FMN1: variants seen among roughly 807,000 people sequenced by gnomAD.
FMN1 encodes formin-1.
In FMN1, 110 loss-of-function variants were observed where a neutral mutation model predicts 132.4. That is an observed-to-expected ratio of 0.83 (90% confidence interval 0.71 to 0.97). The LOEUF (loss-of-function observed/expected upper bound fraction) is 0.97. Ranked by LOEUF, FMN1 falls within the 50% of genes least tolerant of loss-of-function variation. FMN1 has a pLI of 0.00. For missense variants in FMN1, 1,792 were observed against 1,705.3 expected (o/e 1.05, Z -0.90); for synonymous variants, 722 against 651.7 (o/e 1.11, Z -1.64).
chr15:33,067,515 G>A (rs779223312), intron 5 of FMN1: 1 of 1,613,990 alleles, frequency 6.2e-7, no homozygotes, highest in Non-Finnish European at 8.5e-7. Context: ...AAAGTAGACA[G>A]TGGAAGCAGC....
intron 5 of FMN1, among the ~76,000 whole-genome samples, chr15:33,081,677 G>A (rs889872661): frequency 2.0e-5 from 3 of 152,172 alleles, no homozygotes; most frequent in Non-Finnish European, 2.9e-5. Flanking sequence ...GCGGTAGAAG[G>A]ACTTAACATT....
At chr15:33,136,949 G>A (rs537585722) in intron 4 of FMN1, among the ~76,000 whole-genome samples, 17 of 152,018 alleles carry the variant, frequency 1.1e-4, no homozygotes, top group African/African-American at 2.7e-4. Flanking sequence ...TTAGCCAGGC[G>A]TGGTGGCGGG....
intron 4 of FMN1, among the ~76,000 whole-genome samples, chr15:33,101,416 G>A (rs1228169904): frequency 6.6e-6 from 1 of 151,548 alleles, no homozygotes; most frequent in Non-Finnish European, 1.5e-5. Flanking sequence ...ATTGTCTTTA[G>A]CCACATGTAA....
chr15:33,015,180 T>C (rs1207679644), intron 6 of FMN1, among the ~76,000 whole-genome samples: 1 of 152,220 alleles, frequency 6.6e-6, no homozygotes, highest in Non-Finnish European at 1.5e-5. Flanking sequence ...GCCGTTCTTT[T>C]GGTTACATAA....
chr15:33,009,650 CTCATT>C (rs1189703115), intron 6 of FMN1, among the ~76,000 whole-genome samples: 4 of 152,206 alleles, frequency 2.6e-5, no homozygotes, highest in Non-Finnish European at 5.9e-5. Flanking sequence ...ACTTTATCAA[CTCATT>C]TCATCTCCAC....
chr15:32,941,032 A>C (rs1055365483), intron 9 of FMN1, among the ~76,000 whole-genome samples: 3 of 152,150 alleles, frequency 2.0e-5, no homozygotes, highest in Non-Finnish European at 4.4e-5. Flanking sequence ...GCCCCGGCCC[A>C]CAGGTTAGTG....
chr15:33,089,504 C>G (rs2038829336), intron 4 of FMN1, among the ~76,000 whole-genome samples: 2 of 152,168 alleles, frequency 1.3e-5, no homozygotes, highest in Non-Finnish European at 2.9e-5. Context: ...TTTGTCATCT[C>G]TAGAATCAAA....
intron 3 of FMN1, among the ~76,000 whole-genome samples, chr15:33,166,587 A>G (rs774818725): frequency 6.6e-6 from 1 of 152,178 alleles, no homozygotes; most frequent in African/African-American, 2.4e-5. Flanking sequence ...TCAGAATCCT[A>G]CAAGAGATCA....
intron 9 of FMN1, among the ~76,000 whole-genome samples, chr15:32,949,952 T>TATATATACAC: frequency 2.0e-5 from 1 of 50,510 alleles, no homozygotes; most frequent in Non-Finnish European, 3.5e-5. Flanking sequence ...TATATATATA[T>TATATATACAC]ATATATATAT....
At position 33,066,924 on chromosome 15, in the gene FMN1, C is replaced by T. The variant is rs1309490912; in HGVS notation, c.2044-1850G>A. The T allele has an allele frequency of 8.1e-6, 13 of 1,613,832 alleles. No individual in the cohort carries two copies. The highest frequency in any genetic ancestry group is 8.0e-5 in the African/African-American group (6 of 74,914). The stretch of plus-strand genomic sequence containing the variant: ...TCACTCTTCACTGTCTGCAGCCCTG[C>T]CTGCACTAAGGACTTCTGCACAGGC... On this transcript the variant is annotated intron_variant, in intron 5 of 20. Transcript: ENST00000616417.
chr15:33,057,701 T>C (rs2037282226), intron 6 of FMN1, among the ~76,000 whole-genome samples: 1 of 152,300 alleles, frequency 6.6e-6, no homozygotes, highest in South Asian at 2.1e-4. Flanking sequence ...CTGAAATCAT[T>C]TTCTACCTTT....
intron 7 of FMN1, among the ~76,000 whole-genome samples, chr15:32,991,486 A>G (rs1285143291): frequency 6.6e-6 from 1 of 152,206 alleles, no homozygotes; most frequent in African/African-American, 2.4e-5. Flanking sequence ...TGGACCATCG[A>G]AAATCACAAT....
intron 3 of FMN1, among the ~76,000 whole-genome samples, chr15:33,173,685 T>C (rs942121417): frequency 3.3e-5 from 5 of 152,174 alleles, no homozygotes; most frequent in African/African-American, 1.2e-4. Flanking sequence ...TCCCAGCACA[T>C]TGGGAGGCCA....
At chr15:33,001,279 G>A (rs992401972) in intron 7 of FMN1, among the ~76,000 whole-genome samples, 2 of 151,588 alleles carry the variant, frequency 1.3e-5, no homozygotes, top group African/African-American at 4.8e-5. Flanking sequence ...GTAAGACTCC[G>A]TCTCAAAAAG....
At chr15:33,033,449 A>G (rs1403233437) in intron 6 of FMN1, among the ~76,000 whole-genome samples, 1 of 152,120 alleles carries the variant, frequency 6.6e-6, no homozygotes, top group Non-Finnish European at 1.5e-5. Context: ...GTGGTTGTCC[A>G]CTTTCCTATC....
At chr15:32,997,343 A>G (rs1470058702) in intron 7 of FMN1, among the ~76,000 whole-genome samples, 2 of 147,558 alleles carry the variant, frequency 1.4e-5, no homozygotes, top group Non-Finnish European at 3.0e-5. Flanking sequence ...TTTTAATCAC[A>G]TGGGGAACTT....
chr15:32,908,392 G>C (rs1347904301), intron 12 of FMN1, 98 bp downstream of exon 12: 4 of 760,938 alleles, frequency 5.3e-6, no homozygotes, highest in African/African-American at 1.7e-5. Context: ...GATTTAGCTG[G>C]CTGCACATTT....
chr15:33,128,113 G>A (rs937707079), intron 4 of FMN1, among the ~76,000 whole-genome samples: 2 of 151,102 alleles, frequency 1.3e-5, no homozygotes, highest in East Asian at 1.9e-4. Context: ...AGAAGGGAGA[G>A]GAGACACCAT....
intron 4 of FMN1, among the ~76,000 whole-genome samples, chr15:33,121,703 A>G (rs1341618829): frequency 6.6e-6 from 1 of 151,814 alleles, no homozygotes; most frequent in East Asian, 1.9e-4. Context: ...TTCTTTTTGT[A>G]TGTTTAGTAG....
Sources: gnomAD v4.1 joint callset for allele counts (sites outside exome capture counted in the v4.1 genomes callset) on GRCh38, gnomAD v4.1.1 for gene constraint, MANE v1.5 for transcripts, NCBI Gene and HGNC (gene_info 2026-07-23, HGNC 2026-07-21) for gene names.